Variants in STK32A observed in about 807,000 individuals in gnomAD.
STK32A encodes serine/threonine kinase 32A.
In STK32A, 41 loss-of-function variants were observed where a neutral mutation model predicts 53.2. The ratio of observed to expected loss-of-function variants is 0.77; its 90% CI spans 0.60 to 1.00. The LOEUF (loss-of-function observed/expected upper bound fraction) is 1.00, where lower values mean the gene tolerates loss of function less well. Ranked by LOEUF, STK32A falls within the 50% of genes least tolerant of loss-of-function variation. STK32A has a pLI of 0.00. For missense variants in STK32A, 458 were observed against 485.8 expected (o/e 0.94, Z 0.54); for synonymous variants, 166 against 162.8 (o/e 1.02, Z -0.15).
At chr5:147,276,377 T>C (rs549678270) in intron 2 of STK32A, among the ~76,000 whole-genome samples, 1 of 152,310 alleles carries the variant, frequency 6.6e-6, no homozygotes, top group Non-Finnish European at 1.5e-5. Flanking sequence ...TTTCTGGTAT[T>C]TTCTATTCTA....
At chr5:147,297,963 A>G (rs1356918047) in intron 4 of STK32A, among the ~76,000 whole-genome samples, 2 of 142,248 alleles carry the variant, frequency 1.4e-5, no homozygotes, top group African/African-American at 5.4e-5. Context: ...CTGGTGACAG[A>G]GCAAGACTCT....
intron 4 of STK32A, among the ~76,000 whole-genome samples, chr5:147,320,910 A>T (rs1384047921): frequency 2.6e-5 from 4 of 152,202 alleles, no homozygotes; most frequent in Non-Finnish European, 5.9e-5. Flanking sequence ...CCATGGAAAG[A>T]GGTGAAGGTT....
intron 2 of STK32A, among the ~76,000 whole-genome samples, chr5:147,254,285 C>G (rs544794362): frequency 1.3e-5 from 2 of 152,236 alleles, no homozygotes; most frequent in South Asian, 4.2e-4. Context: ...CAACTCTTAC[C>G]AGCTCTATGA....
chr5:147,255,984 C>T (rs1353041824), intron 2 of STK32A, among the ~76,000 whole-genome samples: 1 of 152,106 alleles, frequency 6.6e-6, no homozygotes, highest in Non-Finnish European at 1.5e-5. Flanking sequence ...CTTATTTTTC[C>T]TTCCTTTGGT....
intron 2 of STK32A, among the ~76,000 whole-genome samples, chr5:147,259,226 T>A (rs943577348): frequency 2.0e-5 from 3 of 152,184 alleles, no homozygotes; most frequent in Admixed American, 2.0e-4. Context: ...GTAAGCTACA[T>A]TTTCACTTTT....
At chr5:147,333,028 C>A (rs1184959874) in intron 5 of STK32A, among the ~76,000 whole-genome samples, 3 of 152,204 alleles carry the variant, frequency 2.0e-5, no homozygotes, top group Non-Finnish European at 4.4e-5. Context: ...CGTTAATATG[C>A]AACCTGTGAT....
chr5:147,235,274 G>A (rs1379215838), intron 1 of STK32A, 75 bp downstream of exon 1: 1 of 152,402 alleles, frequency 6.6e-6, no homozygotes, highest in Non-Finnish European at 1.5e-5. Flanking sequence ...AAGCTAGGAA[G>A]TGCAAGGAGA....
At chr5:147,393,939 C>A in the STK32A span, 2 of 1,247,614 alleles carry the variant, frequency 1.6e-6, no homozygotes, top group Admixed American at 1.9e-5. Context: ...AGATCACAAC[C>A]GTTTGGATTC....
intron 7 of STK32A, 31 bp from the exon 8 acceptor site, chr5:147,361,486 T>A: frequency 6.9e-7 from 1 of 1,457,190 alleles, no homozygotes; most frequent in Non-Finnish European, 9.6e-7. Flanking sequence ...TCTCAGGGAA[T>A]CAAACTGGTT....
At position 147,349,600 on chromosome 5, in the gene STK32A, C is replaced by T. The variant is rs746126033; in HGVS notation, c.473-1465C>T. 3.9e-5 allele frequency among the ~76,000 whole-genome samples: 6 copies of T among 152,006 alleles called. No homozygotes were observed. The East Asian group carries it at 9.7e-4, about 24-fold the overall frequency. The stretch of plus-strand genomic sequence containing the variant: ...ACCTCATAGAGTGTGTTCCCTGCCA[C>T]GTATAAGTATTAGACCCACACTATA... On this transcript the variant is annotated intron_variant, in intron 6 of 12. Transcript: ENST00000397936.
chr5:147,244,635 G>C (rs1234631106), intron 2 of STK32A, among the ~76,000 whole-genome samples: 1 of 152,190 alleles, frequency 6.6e-6, no homozygotes, highest in Non-Finnish European at 1.5e-5. Flanking sequence ...TCAGACACTG[G>C]AGTCAGTTTG....
At chr5:147,354,581 T>C (rs10040325) in intron 7 of STK32A, among the ~76,000 whole-genome samples, 37,095 of 152,166 alleles carry the variant, frequency 0.24, 6,023 homozygotes, top group African/African-American at 0.46. Context: ...AATCTTTCCC[T>C]GGACCAGACA....
intron 8 of STK32A, among the ~76,000 whole-genome samples, chr5:147,370,344 A>T: frequency 6.6e-6 from 1 of 152,146 alleles, no homozygotes; most frequent in East Asian, 1.9e-4. Flanking sequence ...TTATAAAACA[A>T]TTTCAAATCA....
intron 2 of STK32A, among the ~76,000 whole-genome samples, chr5:147,245,707 A>C (rs1372084143): frequency 6.6e-6 from 1 of 152,212 alleles, no homozygotes; most frequent in African/African-American, 2.4e-5. Flanking sequence ...TAGCTAAGAA[A>C]ATTTGGACTT....
intron 6 of STK32A, among the ~76,000 whole-genome samples, chr5:147,349,457 A>G (rs1418225094): frequency 1.3e-5 from 2 of 152,192 alleles, no homozygotes; most frequent in African/African-American, 2.4e-5. Flanking sequence ...CCAACACTTC[A>G]AGATTCTCTG....
chr5:147,314,509 AAAAAAAACAAAAAAAAAC>A (rs1431776065), intron 4 of STK32A, among the ~76,000 whole-genome samples: 1,819 of 10,958 alleles, frequency 0.17, 235 homozygotes, highest in African/African-American at 0.42. Flanking sequence ...AAAAAAAACA[AAAAAAAACAAAAAAAAAC>A]AAAAAAAAAA....
intron 4 of STK32A, among the ~76,000 whole-genome samples, chr5:147,283,794 G>A (rs886697504): frequency 1.1e-4 from 17 of 151,888 alleles, no homozygotes; most frequent in African/African-American, 9.7e-5. Flanking sequence ...AGATTGAAAC[G>A]GTAATTTAAA....
chr5:147,244,084 T>A (rs1399304358), intron 2 of STK32A, among the ~76,000 whole-genome samples: 1 of 152,190 alleles, frequency 6.6e-6, no homozygotes, highest in Non-Finnish European at 1.5e-5. Flanking sequence ...TTTGACTTTA[T>A]GTCTCTATGA....
At chr5:147,371,218 G>T (rs1401609945) in intron 9 of STK32A, among the ~76,000 whole-genome samples, 2 of 152,068 alleles carry the variant, frequency 1.3e-5, no homozygotes, top group African/African-American at 4.8e-5. Context: ...TAACGGGTTT[G>T]TCCACATACA....
Sources: allele counts gnomAD v4.1 joint callset (sites outside exome capture counted in the v4.1 genomes callset), GRCh38; gene constraint gnomAD v4.1.1; transcripts MANE v1.5; gene names NCBI Gene and HGNC (gene_info 2026-07-23, HGNC 2026-07-21).